The following DCC variants were observed in gnomAD, a reference collection of about 807,000 sequenced individuals.
DCC encodes netrin receptor DCC.
A neutral mutation model predicts 172.5 loss-of-function variants in DCC; 58 were observed. That is an observed-to-expected ratio of 0.34 (90% CI 0.27 to 0.42). The LOEUF (loss-of-function observed/expected upper bound fraction) is 0.42. Ranked by LOEUF, DCC falls within the 10% of genes least tolerant of loss-of-function variation. DCC has a pLI of 1.00. For synonymous variants in DCC, 709 were observed against 644.5 expected (o/e 1.10, Z -1.52); for missense variants, 1,740 against 1,791.0 (o/e 0.97, Z 0.51).
chr18:53,430,866 C>T (rs970903249), intron 21 of DCC, among the ~76,000 whole-genome samples: 3 of 151,986 alleles, frequency 2.0e-5, no homozygotes, highest in Admixed American at 6.6e-5. Flanking sequence ...ATTTTTTCTT[C>T]AATTCAGAGA....
At chr18:52,470,636 C>A (rs1598844206) in intron 1 of DCC, among the ~76,000 whole-genome samples, 1 of 152,138 alleles carries the variant, frequency 6.6e-6, no homozygotes, top group African/African-American at 2.4e-5. Context: ...GGATGACTTT[C>A]AAATACATAA....
At chr18:52,504,944 C>T (rs150256336) in intron 1 of DCC, among the ~76,000 whole-genome samples, 1 of 152,178 alleles carries the variant, frequency 6.6e-6, no homozygotes, top group Admixed American at 6.6e-5. Context: ...GAATCTCTCT[C>T]AACCTTTTTG....
intron 2 of DCC, among the ~76,000 whole-genome samples, chr18:52,873,370 A>G (rs1023956207): frequency 6.6e-6 from 1 of 152,216 alleles, no homozygotes; most frequent in Non-Finnish European, 1.5e-5. Flanking sequence ...AATAGAGCCA[A>G]TATGTAGGAA....
At chr18:53,399,509 C>T (rs1439244489) in intron 18 of DCC, among the ~76,000 whole-genome samples, 1 of 151,994 alleles carries the variant, frequency 6.6e-6, no homozygotes, top group Admixed American at 6.6e-5. Flanking sequence ...TAACAAATGC[C>T]CAATACAATT....
At chr18:53,115,177 T>C (rs2043391920) in intron 7 of DCC, among the ~76,000 whole-genome samples, 1 of 151,690 alleles carries the variant, frequency 6.6e-6, no homozygotes, top group South Asian at 2.1e-4. Context: ...TAATTTGTTG[T>C]ATGGCATAGC....
At chr18:52,911,731 T>C (rs1284963440) in intron 3 of DCC, among the ~76,000 whole-genome samples, 11 of 26,586 alleles carry the variant, frequency 4.1e-4, no homozygotes, top group Non-Finnish European at 1.7e-3. Flanking sequence ...ATATTTAACA[T>C]TTTTTTTTTT....
intron 7 of DCC, among the ~76,000 whole-genome samples, chr18:53,093,402 G>A (rs2043041565): frequency 6.6e-6 from 1 of 152,134 alleles, no homozygotes; most frequent in Non-Finnish European, 1.5e-5. Flanking sequence ...ATGAGACCTA[G>A]GTATATGACA....
intron 1 of DCC, among the ~76,000 whole-genome samples, chr18:52,427,895 G>C (rs1319117537): frequency 7.3e-5 from 7 of 95,850 alleles, no homozygotes; most frequent in African/African-American, 3.7e-4. Context: ...TTCCTTCCTT[G>C]GCACATCTTT....
intron 1 of DCC, among the ~76,000 whole-genome samples, chr18:52,342,657 A>G (rs907544012): frequency 7.9e-5 from 12 of 152,214 alleles, no homozygotes; most frequent in African/African-American, 2.9e-4. Context: ...CTTACTGGGT[A>G]GAAAGTCTGC....
chr18:52,925,765 A>T (rs2145489323), intron 5 of DCC, among the ~76,000 whole-genome samples: 1 of 152,080 alleles, frequency 6.6e-6, no homozygotes, highest in East Asian at 1.9e-4. Flanking sequence ...AGGGTTTCTG[A>T]CATTAAATTC....
At position 53,026,753 on chromosome 18, in the gene DCC, C is replaced by G. The variant is rs533046904; in HGVS notation, c.986-36552C>G. Among the ~76,000 whole-genome samples the G allele has an allele frequency of 5.3e-5, 8 of 151,908 alleles. No individual in the cohort carries two copies. The South Asian group carries it at 1.5e-3, about 28-fold the overall frequency. The stretch of plus-strand genomic sequence containing the variant: ...TTACTTTTATTTTTTTTTATAGAAA[C>G]AGTCTTACTATGTTGTCCAGGCTGG... On this transcript the variant is annotated intron_variant, in intron 5 of 28. Transcript: ENST00000442544.
chr18:53,416,810 A>G (rs561122634), intron 21 of DCC, among the ~76,000 whole-genome samples: 2 of 152,328 alleles, frequency 1.3e-5, no homozygotes, highest in East Asian at 1.9e-4. Context: ...TTATCCATCA[A>G]CTTATAAGTG....
chr18:52,436,706 G>A (rs1429060334), intron 1 of DCC, among the ~76,000 whole-genome samples: 7 of 152,140 alleles, frequency 4.6e-5, no homozygotes, highest in South Asian at 2.1e-4. Flanking sequence ...CCAGGAGTTC[G>A]AGAACAGCCT....
At chr18:53,500,573 ATTATT>A (rs2046084749) in intron 27 of DCC, among the ~76,000 whole-genome samples, 2 of 148,136 alleles carry the variant, frequency 1.4e-5, no homozygotes, top group Admixed American at 6.6e-5. Context: ...ATAAATATTA[ATTATT>A]TTATATTAAG....
intron 1 of DCC, among the ~76,000 whole-genome samples, chr18:52,377,611 T>G (rs866020532): frequency 2.7e-5 from 4 of 149,756 alleles, no homozygotes; most frequent in African/African-American, 1.0e-4. Context: ...ACAGAGTCTT[T>G]GCCACCCATT....
chr18:52,958,379 G>A (rs938199229), intron 5 of DCC, among the ~76,000 whole-genome samples: 10 of 152,110 alleles, frequency 6.6e-5, no homozygotes, highest in Admixed American at 3.3e-4. Flanking sequence ...TGTGAATGGT[G>A]TAAGTTGGAA....
intron 18 of DCC, 49 bp from the exon 19 acceptor site, chr18:53,402,737 T>C: frequency 5.4e-6 from 7 of 1,306,808 alleles, no homozygotes; most frequent in Non-Finnish European, 7.8e-6. Context: ...ACAATGTTTA[T>C]TTTCTTTCAC....
intron 12 of DCC, among the ~76,000 whole-genome samples, chr18:53,304,041 G>A (rs1197119919): frequency 1.3e-5 from 2 of 150,114 alleles, no homozygotes; most frequent in East Asian, 2.0e-4. Flanking sequence ...AACTCCTCTC[G>A]ATGTTCAGAT....
intron 1 of DCC, among the ~76,000 whole-genome samples, chr18:52,635,210 A>AG: frequency 6.6e-6 from 1 of 152,210 alleles, no homozygotes; most frequent in Admixed American, 6.5e-5. Context: ...GTTTTGATTC[A>AG]GATAACACCT....
Sources: gnomAD v4.1 joint callset for allele counts (sites outside exome capture counted in the v4.1 genomes callset) on GRCh38, gnomAD v4.1.1 for gene constraint, MANE v1.5 for transcripts, NCBI Gene and HGNC (gene_info 2026-07-23, HGNC 2026-07-21) for gene names.